TMLHE: variants seen among roughly 807,000 people sequenced by gnomAD.
TMLHE encodes the protein trimethyllysine dioxygenase, mitochondrial.
Under a neutral mutation model 25.7 loss-of-function variants are expected in TMLHE, and 18 were observed. That is an observed-to-expected ratio of 0.70 (90% CI 0.48 to 1.04). TMLHE has a LOEUF of 1.04. Ranked by LOEUF, TMLHE falls within the 50% of genes least tolerant of loss-of-function variation. The probability of loss-of-function intolerance (pLI) is 0.00; values close to 1 mark genes in which losing one functional copy is unlikely to be tolerated. For synonymous variants in TMLHE, 105 were observed against 97.0 expected (o/e 1.08, Z -0.49); for missense variants, 236 against 259.0 (o/e 0.91, Z 0.61).
intron 1 of TMLHE, among the ~76,000 whole-genome samples, chrX:155,555,907 G>T (rs2067450532): frequency 9.1e-6 from 1 of 109,742 alleles, no homozygotes; most frequent in African/African-American, 3.3e-5. Context: ...GGCTTTTGTT[G>T]CCATTGCTTT....
chrX:155,530,857 C>G (rs912633820), intron 2 of TMLHE, among the ~76,000 whole-genome samples: 1 of 112,411 alleles, frequency 8.9e-6, no homozygotes, highest in Non-Finnish European at 1.9e-5. Flanking sequence ...CCAAGAAAAC[C>G]GGCAGCTTTG....
At chrX:155,595,225 TATA>T (rs1162588848) in intron 1 of TMLHE, among the ~76,000 whole-genome samples, 1 of 112,138 alleles carries the variant, frequency 8.9e-6, no homozygotes, top group Non-Finnish European at 1.9e-5. Flanking sequence ...GTTATACTAC[TATA>T]ATAATTTCAT....
At chrX:155,548,603 C>T (rs376735688) in intron 1 of TMLHE, among the ~76,000 whole-genome samples, 16 of 107,135 alleles carry the variant, frequency 1.5e-4, no homozygotes, top group Middle Eastern at 4.6e-3. Flanking sequence ...GGTGTGGTGG[C>T]ACACACCTGT....
In TMLHE at chrX:155,537,658, C is replaced by A. The variant is rs928360107; in HGVS notation, c.181+7438G>T. Reference sequence around the variant, plus strand: ...TTACCTCCTTAATGTCCTCACTTCCCTCCTTACAGAGCCCATATTCCATGG... The same window carrying A: ...TTACCTCCTTAATGTCCTCACTTCCATCCTTACAGAGCCCATATTCCATGG... On this transcript the variant is annotated intron_variant, in intron 2 of 7. Transcript: ENST00000334398. Among the ~76,000 whole-genome samples, 4 of 110,053 alleles carry A rather than the reference C, an allele frequency of 3.6e-5. No individual in the cohort carries two copies. The Admixed American group carries it at 3.9e-4, about 11-fold the overall frequency.
chrX:155,544,126 C>A (rs2067329258), intron 2 of TMLHE, among the ~76,000 whole-genome samples: 1 of 111,461 alleles, frequency 9.0e-6, no homozygotes, highest in South Asian at 3.8e-4. Context: ...CTTTGGAGTG[C>A]ATAGTGGGCC....
intron 1 of TMLHE, among the ~76,000 whole-genome samples, chrX:155,575,976 T>C (rs1343418553): frequency 1.8e-5 from 2 of 111,536 alleles, no homozygotes; most frequent in Admixed American, 9.6e-5. Context: ...CTATTCAACA[T>C]AGTACTGGGA....
chrX:155,540,070 C>A (rs187968877), intron 2 of TMLHE, among the ~76,000 whole-genome samples: 110 of 108,564 alleles, frequency 1.0e-3, no homozygotes, highest in African/African-American at 3.5e-3. Context: ...ACAAGCAGAA[C>A]AACATACGCA....
intron 1 of TMLHE, among the ~76,000 whole-genome samples, chrX:155,575,904 A>G (rs2067586369): frequency 8.9e-6 from 1 of 112,046 alleles, no homozygotes; most frequent in African/African-American, 3.2e-5. Context: ...CTGAATGAGC[A>G]AAAGCTGGAA....
intron 1 of TMLHE, among the ~76,000 whole-genome samples, chrX:155,581,141 T>C (rs1190527372): frequency 9.0e-6 from 1 of 111,458 alleles, no homozygotes; most frequent in Non-Finnish European, 1.9e-5. Flanking sequence ...TGCTAAAAAC[T>C]CTCAATAAAC....
At chrX:155,596,899 T>C (rs1286216546) in intron 1 of TMLHE, among the ~76,000 whole-genome samples, 1 of 110,468 alleles carries the variant, frequency 9.1e-6, no homozygotes, top group African/African-American at 3.3e-5. Flanking sequence ...TTATTATACT[T>C]TAAGTTTTAG....
At chrX:155,523,651 T>C (rs2067201981) in intron 3 of TMLHE, among the ~76,000 whole-genome samples, 1 of 111,534 alleles carries the variant, frequency 9.0e-6, no homozygotes, top group African/African-American at 3.3e-5. Flanking sequence ...TATATTTCCA[T>C]TTAAATTTTA....
intron 1 of TMLHE, among the ~76,000 whole-genome samples, chrX:155,600,474 A>T (rs192038654): frequency 7.9e-4 from 89 of 112,249 alleles, no homozygotes; most frequent in Non-Finnish European, 1.5e-3. Context: ...TGTTACAAAA[A>T]GGGAATTGGT....
intron 1 of TMLHE, among the ~76,000 whole-genome samples, chrX:155,595,896 G>A (rs1201063365): frequency 2.7e-5 from 3 of 111,877 alleles, no homozygotes; most frequent in Non-Finnish European, 5.6e-5. Context: ...CATTAAAAAT[G>A]TTAAGAGAAG....
At chrX:155,527,152 G>C in intron 2 of TMLHE, among the ~76,000 whole-genome samples, 1 of 111,841 alleles carries the variant, frequency 8.9e-6, no homozygotes. Context: ...TTGTCTCTGT[G>C]TCCCCACCCA....
At chrX:155,508,242 GAAAAT>G (rs1557332955) in intron 5 of TMLHE, among the ~76,000 whole-genome samples, 2 of 110,089 alleles carry the variant, frequency 1.8e-5, no homozygotes, top group Non-Finnish European at 3.8e-5. Context: ...ACTTATGAGG[GAAAAT>G]AAAATTAATA....
rs1403552643 is a variant in TMLHE, at chrX:155,564,488, C to G, written c.-1-19211G>C. 8.1e-5 allele frequency among the ~76,000 whole-genome samples: 5 copies of G among 61,799 alleles called. 2 individuals are homozygous for G. Among genetic ancestry groups the G allele is most frequent in the Non-Finnish European group, 2.3e-4 (5 of 22,079 alleles). The allele number at this position is 61,799 out of a possible 115,157, so 53.7% of individuals were successfully genotyped here. On this transcript the variant is annotated intron_variant, in intron 1 of 7. Coordinates refer to ENST00000334398, the MANE Select transcript of TMLHE (RefSeq NM_018196.4). ...GTTTCAGGAAGGCTGTTGGGGAATA[C>G]TCAAGCCAAAGGTGGCCATTAAAGG...
At chrX:155,549,305 G>T (rs967766083) in intron 1 of TMLHE, among the ~76,000 whole-genome samples, 7 of 110,451 alleles carry the variant, frequency 6.3e-5, no homozygotes, top group African/African-American at 2.3e-4. Context: ...GATCTTAGGG[G>T]AAAACATTCT....
intron 1 of TMLHE, among the ~76,000 whole-genome samples, chrX:155,560,071 CTCAAT>C (rs2067484593): frequency 1.8e-5 from 2 of 111,926 alleles, no homozygotes; most frequent in African/African-American, 6.5e-5. Context: ...TTTTTCTTAC[CTCAAT>C]TGCTATGAGC....
At chrX:155,582,619 G>T (rs1557344705) in intron 1 of TMLHE, among the ~76,000 whole-genome samples, 1 of 111,974 alleles carries the variant, frequency 8.9e-6, no homozygotes, top group African/African-American at 3.2e-5. Flanking sequence ...AAACCACAAT[G>T]AGATACCATT....
Sources: allele counts gnomAD v4.1 joint callset (sites outside exome capture counted in the v4.1 genomes callset), GRCh38; gene constraint gnomAD v4.1.1; transcripts MANE v1.5; gene names NCBI Gene and HGNC (gene_info 2026-07-23, HGNC 2026-07-21).